PCDH15: variants seen among roughly 807,000 people sequenced by gnomAD.
The protein encoded by PCDH15 is protocadherin-15.
A neutral mutation model predicts 178.5 loss-of-function variants in PCDH15; 129 were observed. The ratio of observed to expected loss-of-function variants is 0.72; its 90% CI spans 0.63 to 0.84. The LOEUF is 0.84. Among genes scored for constraint, PCDH15 ranks in the 40% least tolerant of loss-of-function variants. The probability of loss-of-function intolerance (pLI) is 0.00; values close to 1 mark genes in which losing one functional copy is unlikely to be tolerated. For synonymous variants in PCDH15, 800 were observed against 732.0 expected (o/e 1.09, Z -1.50); for missense variants, 2,230 against 2,099.9 (o/e 1.06, Z -1.21).
intron 2 of PCDH15, among the ~76,000 whole-genome samples, chr10:55,531,333 T>C (rs1410631664): frequency 6.6e-6 from 1 of 151,974 alleles, no homozygotes; most frequent in Non-Finnish European, 1.5e-5. Flanking sequence ...TCTACTTGAA[T>C]TCGTTAGCTA....
intron 1 of PCDH15, among the ~76,000 whole-genome samples, chr10:54,666,655 A>G (rs1301946629): frequency 6.6e-6 from 1 of 152,090 alleles, no homozygotes; most frequent in Non-Finnish European, 1.5e-5. Context: ...AAGAGAAACC[A>G]TATACAAATA....
At chr10:54,578,071 A>G (rs1211038888) in intron 2 of PCDH15, among the ~76,000 whole-genome samples, 1 of 152,154 alleles carries the variant, frequency 6.6e-6, no homozygotes, top group East Asian at 1.9e-4. Flanking sequence ...ACTTTATCAC[A>G]ATGGTTAAGT....
At chr10:54,398,518 A>G (rs2135437444) in intron 3 of PCDH15, among the ~76,000 whole-genome samples, 1 of 152,136 alleles carries the variant, frequency 6.6e-6, no homozygotes, top group African/African-American at 2.4e-5. Context: ...CCATGATAAA[A>G]TCTATCACAG....
intron 2 of PCDH15, among the ~76,000 whole-genome samples, chr10:55,329,001 TCG>T (rs1491470699): frequency 1.7e-5 from 2 of 119,366 alleles, no homozygotes; most frequent in Admixed American, 9.1e-5. Flanking sequence ...TATTCCATTT[TCG>T]TGTGTGTGTG....
chr10:55,128,458 C>T lies in PCDH15; in HGVS notation c.-80+38118G>A, dbSNP rs543598585. On this transcript the variant is annotated intron_variant, in intron 2 of 5. Coordinates refer to the PCDH15 transcript ENST00000458638. ...CTTAGGCTCCCTACTTAACCTCATG[C>T]TCTCTCATGTAGCTTAGACTTTAAT... is the stretch of plus-strand genomic sequence containing the variant. 5.9e-5 allele frequency among the ~76,000 whole-genome samples: 9 copies of T among 152,134 alleles called. No homozygotes were observed. The South Asian group carries it at 1.5e-3, about 25-fold the overall frequency.
chr10:54,706,205 A>C (rs549566592), intron 1 of PCDH15, among the ~76,000 whole-genome samples: 2 of 152,238 alleles, frequency 1.3e-5, no homozygotes, highest in Non-Finnish European at 2.9e-5. Context: ...TTTTCATGAT[A>C]GTATGGCTGA....
At chr10:53,948,583 T>C (rs776568092) in intron 23 of PCDH15, among the ~76,000 whole-genome samples, 4 of 152,092 alleles carry the variant, frequency 2.6e-5, no homozygotes, top group African/African-American at 9.7e-5. Context: ...ACCGGAGGAG[T>C]TGGGAAATGA....
intron 2 of PCDH15, among the ~76,000 whole-genome samples, chr10:54,598,143 C>T (rs1446593537): frequency 6.6e-6 from 1 of 152,084 alleles, no homozygotes; most frequent in Non-Finnish European, 1.5e-5. Context: ...AGGCCAGTAT[C>T]ATCCTGATAA....
chr10:54,201,613 G>A (rs2050235437), intron 10 of PCDH15, among the ~76,000 whole-genome samples: 1 of 151,328 alleles, frequency 6.6e-6, no homozygotes, highest in South Asian at 2.1e-4. Context: ...CTGGTATATG[G>A]AAGAAGGTCA....
chr10:55,580,705 A>G (rs1034561767), intron 2 of PCDH15, among the ~76,000 whole-genome samples: 1 of 152,180 alleles, frequency 6.6e-6, no homozygotes, highest in Non-Finnish European at 1.5e-5. Flanking sequence ...GTGTTCATAC[A>G]CATCTATGAA....
chr10:54,140,069 TAATAA>T (rs1481968358), intron 14 of PCDH15, among the ~76,000 whole-genome samples: 2 of 152,178 alleles, frequency 1.3e-5, no homozygotes, highest in African/African-American at 4.8e-5. Flanking sequence ...AAAGCTTAGA[TAATAA>T]AATATCCTTT....
chr10:54,192,104 A>G (rs948328176), intron 11 of PCDH15, among the ~76,000 whole-genome samples: 13 of 106,670 alleles, frequency 1.2e-4, no homozygotes, highest in East Asian at 1.8e-3. Context: ...AGGAAGGAAG[A>G]AAGAAAAAAA....
At chr10:55,031,190 T>G (rs1840600508) in intron 2 of PCDH15, among the ~76,000 whole-genome samples, 1 of 152,214 alleles carries the variant, frequency 6.6e-6, no homozygotes, top group African/African-American at 2.4e-5. Flanking sequence ...AGCTAGTGCT[T>G]TATTTACATG....
chr10:54,961,171 C>T (rs34773081), intron 2 of PCDH15, among the ~76,000 whole-genome samples: 2,001 of 152,322 alleles, frequency 0.013, 18 homozygotes, highest in Non-Finnish European at 0.019. Context: ...CTTGTGCCCG[C>T]TCCAGTGTGG....
chr10:55,078,786 C>T (rs1035074828), intron 2 of PCDH15, among the ~76,000 whole-genome samples: 12 of 151,842 alleles, frequency 7.9e-5, no homozygotes, highest in Non-Finnish European at 1.5e-4. Flanking sequence ...TTCCCAAACC[C>T]CCCGTGGATC....
At chr10:55,287,316 T>A (rs1305592191) in intron 1 of PCDH15, among the ~76,000 whole-genome samples, 1 of 152,042 alleles carries the variant, frequency 6.6e-6, no homozygotes, top group Non-Finnish European at 1.5e-5. Context: ...TAGCCCCTGC[T>A]CCTATAATAT....
rs117443239 is a variant in PCDH15, at chr10:55,540,963, C to T, written c.-156+86662G>A. On this transcript the variant is annotated intron_variant, in intron 2 of 5. Coordinates refer to the PCDH15 transcript ENST00000613346. ...TGTCTTGTGACAACATATTGTCTCA[C>T]TGCCGATATTAAACCAAAACCCATT... 5.8e-3 allele frequency among the ~76,000 whole-genome samples: 887 copies of T among 152,114 alleles called. 1 individual carries two copies. The highest frequency in any genetic ancestry group is 1.0e-2 in the Non-Finnish European group (678 of 67,936).
chr10:55,401,650 C>T (rs1838074414), intron 2 of PCDH15, among the ~76,000 whole-genome samples: 1 of 140,742 alleles, frequency 7.1e-6, no homozygotes, highest in East Asian at 2.0e-4. Flanking sequence ...TGAGTAGCCA[C>T]TAGGTTGAAC....
intron 1 of PCDH15, among the ~76,000 whole-genome samples, chr10:55,200,668 T>A (rs1840219460): frequency 6.6e-6 from 1 of 152,096 alleles, no homozygotes; most frequent in Admixed American, 6.5e-5. Context: ...CCAAATCTCA[T>A]GTTGAATTGA....
Sources: allele counts gnomAD v4.1 joint callset (sites outside exome capture counted in the v4.1 genomes callset), GRCh38; gene constraint gnomAD v4.1.1; transcripts MANE v1.5; gene names NCBI Gene and HGNC (gene_info 2026-07-23, HGNC 2026-07-21).